ARFGAP2: variants seen among roughly 807,000 people sequenced by gnomAD.
ARFGAP2 encodes ADP-ribosylation factor GTPase-activating protein 2.
ARFGAP2 carries 45 observed loss-of-function variants against 71.9 expected under a neutral mutation model. The ratio of observed to expected loss-of-function variants is 0.63; its 90% CI spans 0.49 to 0.80. The LOEUF (loss-of-function observed/expected upper bound fraction) is 0.80, where lower values mean the gene tolerates loss of function less well. Ranked by LOEUF, ARFGAP2 falls within the 30% of genes least tolerant of loss-of-function variation. The probability of loss-of-function intolerance (pLI) is 0.00; values close to 1 mark genes in which losing one functional copy is unlikely to be tolerated. For synonymous variants in ARFGAP2, 248 were observed against 249.2 expected (o/e 1.00, Z 0.05); for missense variants, 633 against 673.9 (o/e 0.94, Z 0.67).
intron 15 of ARFGAP2, 145 bp from the exon 16 acceptor site, chr11:47,165,647 C>T (rs892315284): frequency 2.2e-5 from 19 of 866,044 alleles, no homozygotes; most frequent in Middle Eastern, 7.5e-4. Context: ...CAGGAGTCCA[C>T]GGTGAGAGCT....
Position 47,164,358 on chromosome 11 carries a change from G to C in ARFGAP2, c.*1124C>G. 1 of 1,238,764 alleles carries C rather than the reference G, an allele frequency of 8.1e-7. No individual in the cohort carries two copies. The highest frequency in any genetic ancestry group is 1.1e-6 in the Non-Finnish European group (1 of 911,484). The allele number at this position is 1,238,764 out of a possible 1,614,324, so 76.7% of individuals were successfully genotyped here. A position where few individuals can be genotyped will look rare whatever the true frequency, so the allele number is the denominator to read the frequency against. On this transcript the variant is annotated 3_prime_UTR_variant, in exon 16 of 16. Coordinates refer to ENST00000524782, the MANE Select transcript of ARFGAP2 (RefSeq NM_032389.6). ...AGGGGCTTTATTTTGACACCACTTT[G>C]TTTCAATACAAACAGTCCAGAAAGA...
chr11:47,172,138 A>C lies in ARFGAP2; in HGVS notation c.672+143T>G, dbSNP rs562230974. On this transcript the variant is annotated intron_variant, in intron 8 of 15. Coordinates refer to ENST00000524782, the MANE Select transcript of ARFGAP2 (RefSeq NM_032389.6). Reference sequence around the variant, plus strand: ...GGCTTTAAATCCCTTTAAATCTTTAAATCCCTTTCACAGGCGAGGTTCGGA... The same window carrying C: ...GGCTTTAAATCCCTTTAAATCTTTACATCCCTTTCACAGGCGAGGTTCGGA... 7.1e-5 allele frequency: 63 copies of C among 881,342 alleles called. No individual in the cohort carries two copies. In the South Asian group the frequency reaches 8.8e-4, roughly 12 times the overall value. The allele number at this position is 881,342 out of a possible 1,614,324, so 54.6% of individuals were successfully genotyped here. A position where few individuals can be genotyped will look rare whatever the true frequency, so the allele number is the denominator to read the frequency against.
intron 2 of ARFGAP2, chr11:47,176,283 C>T: frequency 1.7e-6 from 1 of 597,150 alleles, no homozygotes; most frequent in Non-Finnish European, 3.0e-6. Context: ...CTCAGAGTCT[C>T]AAGCCTGACC....
At chr11:47,174,534 T>C (rs1205044967) in intron 5 of ARFGAP2, 2 of 161,748 alleles carry the variant, frequency 1.2e-5, no homozygotes, top group Non-Finnish European at 2.7e-5. Context: ...TAGCTGGGAC[T>C]ACAGGCGCCC....
intron 14 of ARFGAP2, 57 bp from the exon 15 acceptor site, chr11:47,166,443 G>A: frequency 6.2e-7 from 1 of 1,611,460 alleles, no homozygotes; most frequent in South Asian, 1.1e-5. Flanking sequence ...CCCAGTCACA[G>A]CAGGGCCCTC....
rs796812279 is a variant in ARFGAP2, at chr11:47,175,508, G to A, written c.265-195C>T. On this transcript the variant is annotated intron_variant, in intron 3 of 15. Coordinates refer to ENST00000524782, the MANE Select transcript of ARFGAP2 (RefSeq NM_032389.6). ...AACACCTTGCAGCGGGCCATCCTCT[G>A]ATATGACTGAAGTCCAGGCCCCACT... is the stretch of plus-strand genomic sequence containing the variant. 29 of 826,948 alleles carry A rather than the reference G, an allele frequency of 3.5e-5. No homozygotes were observed. In the South Asian group the frequency reaches 4.3e-4, roughly 12 times the overall value. 51.2% of individuals were successfully genotyped at this position (826,948 alleles called of 1,614,324 possible). A position where few individuals can be genotyped will look rare whatever the true frequency, so the allele number is the denominator to read the frequency against.
In ARFGAP2 at chr11:47,164,363, A is replaced by C. The variant is rs1952269480; in HGVS notation, c.*1119T>G. On this transcript the variant is annotated 3_prime_UTR_variant, in exon 16 of 16. Coordinates refer to ENST00000524782, the MANE Select transcript of ARFGAP2 (RefSeq NM_032389.6). Reference sequence around the variant, plus strand: ...CTTTATTTTGACACCACTTTGTTTCAATACAAACAGTCCAGAAAGAAAGTC... The same window carrying C: ...CTTTATTTTGACACCACTTTGTTTCCATACAAACAGTCCAGAAAGAAAGTC... 5.0e-6 allele frequency: 6 copies of C among 1,206,762 alleles called. No homozygotes were observed. Among genetic ancestry groups the C allele is most frequent in the Non-Finnish European group, 6.8e-6 (6 of 884,722 alleles). The allele number at this position is 1,206,762 out of a possible 1,614,324, so 74.8% of individuals were successfully genotyped here.
rs745494302 is a variant in ARFGAP2 at position 47,175,171 on chromosome 11, C to G, written c.396+11G>C. The G allele has an allele frequency of 6.2e-6, 10 of 1,614,114 alleles. No homozygotes were observed. The East Asian group carries it at 1.1e-4, about 18-fold the overall frequency. On this transcript the variant is annotated intron_variant, in intron 4 of 15. Transcript: ENST00000524782. ...AACCCTCCTGCCCCAGCCCCAAGAA[C>G]AGGCACTTACATCAGTGCCATGCCT...
At chr11:47,176,393 C>G in intron 2 of ARFGAP2, 123 bp downstream of exon 2, 2 of 966,842 alleles carry the variant, frequency 2.1e-6, no homozygotes, top group Non-Finnish European at 1.6e-6. Context: ...CTACCGGACC[C>G]TCTCGGCCCA....
intron 12 of ARFGAP2, among the ~76,000 whole-genome samples, chr11:47,167,442 A>C (rs1338705828): frequency 6.6e-6 from 1 of 152,164 alleles, no homozygotes; most frequent in East Asian, 1.9e-4. Flanking sequence ...CACAGATATT[A>C]TGTCAACTAA....
Position 47,173,295 on chromosome 11 carries a change from T to G in ARFGAP2, c.619+131A>C, listed in dbSNP as rs1049143242. 9 of 1,087,490 alleles carry G rather than the reference T, an allele frequency of 8.3e-6. No individual in the cohort carries two copies. The Admixed American group carries it at 1.8e-4, about 22-fold the overall frequency. 67.4% of individuals were successfully genotyped at this position (1,087,490 alleles called of 1,614,324 possible). ...CCACTATTTCAATCACAGTCCCCACTCCAGAGAATCAGATAGATGCTCAGT... is the reference window on the plus strand; with the variant it reads ...CCACTATTTCAATCACAGTCCCCACGCCAGAGAATCAGATAGATGCTCAGT... On this transcript the variant is annotated intron_variant, in intron 7 of 15. Transcript: ENST00000524782.
chr11:47,166,267 C>A lies in ARFGAP2; in HGVS notation c.1545+1G>T. On this transcript the variant is annotated splice_donor_variant, in intron 15 of 15. Transcript: ENST00000524782. LOFTEE classifies it high-confidence loss of function. ...CTCATTAGGCCCCACTTCAGCCTCA[C>A]CTGCAAGGAATTCATCACACCATTG... 1.2e-6 allele frequency: 2 copies of A among 1,614,124 alleles called. No homozygotes were observed. Among genetic ancestry groups the A allele is most frequent in the Non-Finnish European group, 1.7e-6 (2 of 1,179,982 alleles).
rs756253165 is a variant in ARFGAP2 at position 47,171,568 on chromosome 11, A to G, written c.810-11T>C. 45 of 1,614,076 alleles carry G rather than the reference A, an allele frequency of 2.8e-5. 1 individual carries two copies. The East Asian group carries it at 9.1e-4, about 33-fold the overall frequency. On this transcript the variant is annotated splice_polypyrimidine_tract_variant and intron_variant, in intron 9 of 15. Coordinates refer to ENST00000524782, the MANE Select transcript of ARFGAP2 (RefSeq NM_032389.6). ...CGCATGGAGGCGACCCTTAGGGGGA[A>G]CAAAGGTGTCAGTGGCCACCACCCA...
At chr11:47,174,687 G>T in intron 5 of ARFGAP2, 1 of 279,906 alleles carries the variant, frequency 3.6e-6, no homozygotes, top group Non-Finnish European at 6.9e-6. Flanking sequence ...GAGCCACTGC[G>T]CCCGGCCCAC....
intron 15 of ARFGAP2, 84 bp downstream of exon 15, chr11:47,166,184 G>A (rs1474677597): frequency 5.1e-6 from 7 of 1,384,010 alleles, no homozygotes; most frequent in South Asian, 4.9e-5. Flanking sequence ...AAGGCTCAGA[G>A]GGGCTGAGCA....
chr11:47,176,272 G>C (rs1447365281), intron 2 of ARFGAP2: 2 of 591,470 alleles, frequency 3.4e-6, no homozygotes, highest in African/African-American at 3.7e-5. Context: ...CTCAACTAAC[G>C]CTCAGAGTCT....
chr11:47,167,958 C>G lies in ARFGAP2; in HGVS notation c.1156G>C (p.Glu386Gln). The G allele has an allele frequency of 6.2e-7, 1 of 1,613,958 alleles. No individual in the cohort carries two copies. Among genetic ancestry groups the G allele is most frequent in the South Asian group, 1.1e-5 (1 of 91,072 alleles). The part of the protein sequence containing the change: ...DAAWGMDRVE[E>Q]KEPEVTISSI... Reference sequence around the variant, plus strand: ...GAGATGGTCACTTCTGGCTCCTTCTCCTCTACCCTGTCCATACCCCAGGCA... The same window carrying G: ...GAGATGGTCACTTCTGGCTCCTTCTGCTCTACCCTGTCCATACCCCAGGCA... Residue 386 changes from glutamate to glutamine, a missense_variant, in exon 12 of 16, where the codon GAG (glutamate) becomes CAG (glutamine). Glu to Gln is a conservative substitution (Grantham distance 29). Transcript: ENST00000524782.
Position 47,173,460 on chromosome 11 carries a change from T to A in ARFGAP2, c.585A>T (p.Thr195=), listed in dbSNP as rs1186433902. 1.3e-6 allele frequency: 2 copies of A among 1,559,056 alleles called. No individual in the cohort carries two copies. The highest frequency in any genetic ancestry group is 2.7e-5 in the African/African-American group (2 of 73,574). ...CTTTGGGTGAGGTGCCAAGCAGGTC[T>A]GTGTTGGGGCCATGCTCCGGCTCTG... The part of the protein sequence containing the change: ...GLAQPEHGPN[T]DLLGTSPKAS... Residue 195 remains threonine, a synonymous_variant, in exon 7 of 16, where the codon ACA becomes ACT. Transcript: ENST00000524782.
intron 5 of ARFGAP2, chr11:47,174,412 G>A (rs906535281): frequency 9.1e-6 from 1 of 110,450 alleles, no homozygotes; most frequent in Non-Finnish European, 1.6e-5. Flanking sequence ...TTTTTGAGAC[G>A]GAGTCTCGCT....
Sources: gnomAD v4.1 joint callset for allele counts (sites outside exome capture counted in the v4.1 genomes callset) on GRCh38, gnomAD v4.1.1 for gene constraint, MANE v1.5 for transcripts, NCBI Gene and HGNC (gene_info 2026-07-23, HGNC 2026-07-21) for gene names.